The following ASMTL variants were observed in gnomAD, a reference collection of about 807,000 sequenced individuals.
The protein encoded by ASMTL is probable bifunctional dTTP/UTP pyrophosphatase/methyltransferase protein.
Under a neutral mutation model 60.3 loss-of-function variants are expected in ASMTL, and 57 were observed. The ratio of observed to expected loss-of-function variants is 0.95; its 90% CI spans 0.76 to 1.18. The LOEUF is 1.18. ASMTL is among the 50% of genes most tolerant of loss of function. The pLI is 0.00. For missense variants in ASMTL, 981 were observed against 852.6 expected, an observed-to-expected ratio of 1.15 and a Z score of -1.88; for synonymous variants, 419 against 373.0, an observed-to-expected ratio of 1.12 and a Z score of -1.42.
chrX:1,422,115 C>A (rs1420250827), intron 8 of ASMTL, among the ~76,000 whole-genome samples: 3 of 152,158 alleles, frequency 2.0e-5, no homozygotes, highest in Non-Finnish European at 4.4e-5. Flanking sequence ...AACTGTTACC[C>A]ACTGAGGCTG....
chrX:1,429,921 C>A (rs2090722957), intron 6 of ASMTL, among the ~76,000 whole-genome samples: 2 of 152,086 alleles, frequency 1.3e-5, no homozygotes, highest in African/African-American at 4.8e-5. Flanking sequence ...GAGAAGACTT[C>A]AGATGTAGTG....
chrX:1,426,055 T>C (rs1466831707), intron 7 of ASMTL, among the ~76,000 whole-genome samples: 1 of 151,940 alleles, frequency 6.6e-6, no homozygotes, highest in East Asian at 1.9e-4. Context: ...ATGAGGTCAT[T>C]TGGGTGGACC....
intron 6 of ASMTL, among the ~76,000 whole-genome samples, chrX:1,429,967 A>G (rs1447413541): frequency 1.3e-5 from 2 of 151,816 alleles, no homozygotes; most frequent in African/African-American, 2.4e-5. Flanking sequence ...TGTTCCTGTA[A>G]ACCACAGTCA....
intron 7 of ASMTL, 37 bp from the exon 8 acceptor site, chrX:1,425,724 C>G: frequency 6.2e-7 from 1 of 1,602,328 alleles, no homozygotes; most frequent in Non-Finnish European, 8.5e-7. Flanking sequence ...CATTAAGTCC[C>G]TTGTCCAGTA....
chrX:1,437,826 G>A (rs2091009550), intron 3 of ASMTL, among the ~76,000 whole-genome samples: 1 of 151,714 alleles, frequency 6.6e-6, no homozygotes, highest in Non-Finnish European at 1.5e-5. Flanking sequence ...AAACCCGGGA[G>A]GCGGAGGTTG....
At chrX:1,428,357 C>T (rs2090673227) in intron 6 of ASMTL, among the ~76,000 whole-genome samples, 1 of 150,840 alleles carries the variant, frequency 6.6e-6, no homozygotes, top group Non-Finnish European at 1.5e-5. Flanking sequence ...AATTTCACAG[C>T]AAGGCTGGGC....
intron 12 of ASMTL, among the ~76,000 whole-genome samples, chrX:1,405,370 G>T (rs2089780820): frequency 6.7e-6 from 1 of 149,694 alleles, no homozygotes; most frequent in Non-Finnish European, 1.5e-5. Flanking sequence ...TGAGATGGAT[G>T]GATGGGTGAA....
chrX:1,416,009 GCACACACACA>G (rs1228208308), intron 11 of ASMTL, among the ~76,000 whole-genome samples: 1 of 141,782 alleles, frequency 7.1e-6, no homozygotes, highest in Non-Finnish European at 1.5e-5. Context: ...AGCAAGACAG[GCACACACACA>G]CACACGGACA....
At chrX:1,417,831 T>A in intron 11 of ASMTL, 142 bp downstream of exon 11, 1 of 1,056,442 alleles carries the variant, frequency 9.5e-7, no homozygotes, top group Non-Finnish European at 1.3e-6. Flanking sequence ...ACAAGCACCG[T>A]AGACAGTCCC....
chrX:1,431,577 TATA>T (rs781089263), intron 6 of ASMTL, among the ~76,000 whole-genome samples: 63 of 142,428 alleles, frequency 4.4e-4, no homozygotes, highest in Admixed American at 4.1e-3. Flanking sequence ...CTATATGTAA[TATA>T]GTATACATAT....
At chrX:1,453,389 G>A (rs2091444699), upstream of ASMTL, among the ~76,000 whole-genome samples, 1 of 117,694 alleles carries the variant, frequency 8.5e-6, no homozygotes, top group African/African-American at 3.1e-5. Context: ...GTGAAGCACC[G>A]CCCCCAGCTC....
At chrX:1,416,505 A>G (rs1250774959) in intron 11 of ASMTL, among the ~76,000 whole-genome samples, 8 of 151,732 alleles carry the variant, frequency 5.3e-5, no homozygotes, top group Non-Finnish European at 1.5e-5. Flanking sequence ...AGGCACACAC[A>G]CACGGATGCA....
At chrX:1,437,437 G>A (rs761710627) in intron 3 of ASMTL, among the ~76,000 whole-genome samples, 3 of 150,288 alleles carry the variant, frequency 2.0e-5, no homozygotes, top group Admixed American at 1.3e-4. Flanking sequence ...GGCAGGGCTG[G>A]TTCCTCCTGA....
At chrX:1,415,128 A>G (rs2090189776) in intron 11 of ASMTL, among the ~76,000 whole-genome samples, 2 of 150,484 alleles carry the variant, frequency 1.3e-5, no homozygotes, top group Admixed American at 6.6e-5. Flanking sequence ...TTTAGTAGAG[A>G]TGGGGTTTCA....
intron 5 of ASMTL, among the ~76,000 whole-genome samples, chrX:1,433,501 TAAAAAAAA>T (rs35959333): frequency 2.0e-5 from 2 of 99,158 alleles, no homozygotes; most frequent in Non-Finnish European, 3.8e-5. Flanking sequence ...CCGTCTCTAC[TAAAAAAAA>T]AAAAAAAAAA....
chrX:1,436,544 G>C (rs1247285728), intron 3 of ASMTL, among the ~76,000 whole-genome samples: 1 of 152,086 alleles, frequency 6.6e-6, no homozygotes, highest in Admixed American at 6.6e-5. Context: ...AGTAGAGACG[G>C]GGTTTCACCA....
At chrX:1,418,207 A>G in intron 10 of ASMTL, 91 bp from the exon 11 acceptor site, 2 of 1,403,826 alleles carry the variant, frequency 1.4e-6, no homozygotes, top group Admixed American at 2.4e-5. Context: ...AGTAATGTTC[A>G]AGGGCATGGC....
intron 11 of ASMTL, among the ~76,000 whole-genome samples, chrX:1,415,379 C>T (rs2090201978): frequency 6.6e-6 from 1 of 152,100 alleles, no homozygotes; most frequent in Non-Finnish European, 1.5e-5. Flanking sequence ...TCCCCATCTC[C>T]ACTCCCCTCA....
chrX:1,420,013 GTTTC>G (rs199576001), intron 9 of ASMTL, among the ~76,000 whole-genome samples: 12,689 of 145,330 alleles, frequency 0.087, 702 homozygotes, highest in Admixed American at 0.14. Flanking sequence ...TCCTGTCTCT[GTTTC>G]TTTCTATCTC....
Sources: allele counts gnomAD v4.1 joint callset (sites outside exome capture counted in the v4.1 genomes callset), GRCh38; gene constraint gnomAD v4.1.1; transcripts MANE v1.5; gene names NCBI Gene and HGNC (gene_info 2026-07-23, HGNC 2026-07-21).